CACNG3: variants seen among roughly 807,000 people sequenced by gnomAD.
The protein encoded by CACNG3 is voltage-dependent calcium channel gamma-3 subunit.
A neutral mutation model predicts 28.5 loss-of-function variants in CACNG3; 3 were observed. The ratio of observed to expected loss-of-function variants is 0.11; its 90% CI spans 0.05 to 0.27. CACNG3 has a LOEUF of 0.27. Ranked by LOEUF, CACNG3 falls within the 10% of genes least tolerant of loss-of-function variation. The pLI is 1.00. For missense variants in CACNG3, 236 were observed against 414.4 expected, an observed-to-expected ratio of 0.57 and a Z score of 3.74; for synonymous variants, 174 against 162.2, an observed-to-expected ratio of 1.07 and a Z score of -0.55.
rs114424358 is a variant in CACNG3 at position 24,273,169 on chromosome 16, C to G, written c.211+16204C>G. ...TGGAAGGGCTTTTCATGAGAAGCAT[C>G]CACGTCAGAGATACTGCTGTCTCCC... On this transcript the variant is annotated intron_variant, in intron 1 of 3. Transcript: ENST00000005284. Among the ~76,000 whole-genome samples, 901 of 152,296 alleles carry G rather than the reference C, an allele frequency of 5.9e-3. 8 individuals are homozygous for G. Among genetic ancestry groups the G allele is most frequent in the African/African-American group, 0.021 (864 of 41,552 alleles).
chr16:24,354,183 A>C (rs1422929032), intron 2 of CACNG3, among the ~76,000 whole-genome samples: 1 of 152,162 alleles, frequency 6.6e-6, no homozygotes, highest in Non-Finnish European at 1.5e-5. Context: ...CAGAACAAGC[A>C]TCATCTCAAA....
intron 3 of CACNG3, among the ~76,000 whole-genome samples, chr16:24,358,559 C>T (rs986059198): frequency 9.2e-5 from 14 of 152,160 alleles, no homozygotes; most frequent in Non-Finnish European, 8.8e-5. Flanking sequence ...TATGCACTGC[C>T]CTCTTGCTAT....
At chr16:24,310,811 A>G (rs1490348090) in intron 1 of CACNG3, among the ~76,000 whole-genome samples, 3 of 152,094 alleles carry the variant, frequency 2.0e-5, no homozygotes, top group African/African-American at 7.2e-5. Context: ...GAGTCTATAC[A>G]TCGGAATTTC....
intron 1 of CACNG3, among the ~76,000 whole-genome samples, chr16:24,266,353 C>A (rs372853451): frequency 6.6e-6 from 1 of 152,092 alleles, no homozygotes; most frequent in Non-Finnish European, 1.5e-5. Context: ...TCAGTATGCT[C>A]ATGAAACTTC....
At chr16:24,344,776 T>C (rs1314798019) in intron 1 of CACNG3, among the ~76,000 whole-genome samples, 1 of 152,180 alleles carries the variant, frequency 6.6e-6, no homozygotes, top group East Asian at 1.9e-4. Context: ...AGCCTACTTA[T>C]AGTAGAAATT....
At chr16:24,282,082 A>G (rs1300486021) in intron 1 of CACNG3, among the ~76,000 whole-genome samples, 2 of 152,218 alleles carry the variant, frequency 1.3e-5, no homozygotes, top group Non-Finnish European at 2.9e-5. Flanking sequence ...GCAACGCAGC[A>G]GTTTTCAGTG....
rs1037815263 is a variant in CACNG3, at chr16:24,263,781, A to G, written c.211+6816A>G. Among the ~76,000 whole-genome samples, 5 of 152,254 alleles carry G rather than the reference A, an allele frequency of 3.3e-5. No homozygotes were observed. The South Asian group carries it at 1.0e-3, about 32-fold the overall frequency. ...TTCCTTCATTTCTTCTTACCTCTAA[A>G]TAACATGTTGACCATTAGTTCTTGA... On this transcript the variant is annotated intron_variant, in intron 1 of 3. Coordinates refer to ENST00000005284, the MANE Select transcript of CACNG3 (RefSeq NM_006539.4).
At chr16:24,301,517 C>T (rs1226089675) in intron 1 of CACNG3, among the ~76,000 whole-genome samples, 3 of 152,130 alleles carry the variant, frequency 2.0e-5, no homozygotes, top group Admixed American at 6.5e-5. Flanking sequence ...CAGCTCACGA[C>T]GGTCACAGAG....
chr16:24,309,419 T>C (rs889650368), intron 1 of CACNG3, among the ~76,000 whole-genome samples: 4 of 152,200 alleles, frequency 2.6e-5, no homozygotes, highest in African/African-American at 9.7e-5. Flanking sequence ...TACAAAAAGC[T>C]ATGAGCCACA....
intron 3 of CACNG3, among the ~76,000 whole-genome samples, chr16:24,360,923 A>T (rs1489036305): frequency 6.6e-6 from 1 of 151,818 alleles, no homozygotes; most frequent in Non-Finnish European, 1.5e-5. Flanking sequence ...TCTCCTTAGC[A>T]CCCTTACTGT....
chr16:24,292,391 T>C (rs1414017030), intron 1 of CACNG3, among the ~76,000 whole-genome samples: 2 of 152,180 alleles, frequency 1.3e-5, no homozygotes, highest in East Asian at 1.9e-4. Context: ...AAATTACATA[T>C]TGAGGAACAT....
chr16:24,347,797 C>T (rs1899889407), intron 2 of CACNG3, among the ~76,000 whole-genome samples: 2 of 152,218 alleles, frequency 1.3e-5, no homozygotes, highest in Admixed American at 1.3e-4. Flanking sequence ...TGGGCTTTGA[C>T]CCTTGTTTGA....
intron 2 of CACNG3, among the ~76,000 whole-genome samples, chr16:24,348,918 T>C (rs1899905360): frequency 6.6e-6 from 1 of 152,240 alleles, no homozygotes; most frequent in African/African-American, 2.4e-5. Context: ...CCCATAGCTT[T>C]TCTGACAAAG....
rs1899466067 is a variant in CACNG3, at chr16:24,321,949, C to T, written c.212-24785C>T. 2.6e-5 allele frequency among the ~76,000 whole-genome samples: 4 copies of T among 152,122 alleles called. No individual in the cohort carries two copies. The South Asian group carries it at 6.2e-4, about 24-fold the overall frequency. On this transcript the variant is annotated intron_variant, in intron 1 of 3. Transcript: ENST00000005284. ...AGTATAAATAGGTTTTTGTACTATT[C>T]GCAGTTTCAGACATCCACTGGGGGT...
At chr16:24,304,120 T>C (rs921256599) in intron 1 of CACNG3, among the ~76,000 whole-genome samples, 1 of 152,138 alleles carries the variant, frequency 6.6e-6, no homozygotes, top group Non-Finnish European at 1.5e-5. Flanking sequence ...ACTGGATTAA[T>C]AGCAAACTAA....
intron 1 of CACNG3, 53 bp from the exon 2 acceptor site, chr16:24,346,681 C>T (rs2141379980): frequency 7.4e-7 from 1 of 1,357,348 alleles, no homozygotes; most frequent in Non-Finnish European, 1.1e-6. Flanking sequence ...CCAGGCTGGC[C>T]CCCAGAGCTC....
chr16:24,281,965 G>T (rs1363931808), intron 1 of CACNG3, among the ~76,000 whole-genome samples: 1 of 152,174 alleles, frequency 6.6e-6, no homozygotes. Flanking sequence ...GATGGTAAAA[G>T]ATGGAGCCAC....
At chr16:24,328,386 C>T (rs906545361) in intron 1 of CACNG3, among the ~76,000 whole-genome samples, 1 of 149,246 alleles carries the variant, frequency 6.7e-6, no homozygotes, top group Non-Finnish European at 1.5e-5. Flanking sequence ...GGGGCTGGGG[C>T]CACATCACAG....
intron 1 of CACNG3, among the ~76,000 whole-genome samples, chr16:24,264,469 G>A (rs1898572473): frequency 6.6e-6 from 1 of 152,222 alleles, no homozygotes; most frequent in Non-Finnish European, 1.5e-5. Context: ...GCAGTAGGAA[G>A]GTACCATAGG....
Sources: allele counts gnomAD v4.1 joint callset (sites outside exome capture counted in the v4.1 genomes callset), GRCh38; gene constraint gnomAD v4.1.1; transcripts MANE v1.5; gene names NCBI Gene and HGNC (gene_info 2026-07-23, HGNC 2026-07-21).